Variants in FIP1L1 observed in about 807,000 individuals in gnomAD.
FIP1L1 encodes pre-mRNA 3'-end-processing factor FIP1.
FIP1L1 carries 21 observed loss-of-function variants against 84.6 expected under a neutral mutation model. The observed-to-expected ratio is 0.25, with a 90% CI of 0.18 to 0.36. FIP1L1 has a LOEUF of 0.36. Ranked by LOEUF, FIP1L1 falls within the 10% of genes least tolerant of loss-of-function variation. FIP1L1 has a pLI of 1.00. For missense variants in FIP1L1, 526 were observed against 751.1 expected, an observed-to-expected ratio of 0.70 and a Z score of 3.50; for synonymous variants, 263 against 242.3, an observed-to-expected ratio of 1.09 and a Z score of -0.80.
intron 16 of FIP1L1, among the ~76,000 whole-genome samples, chr4:53,454,396 C>G (rs990071795): frequency 3.9e-5 from 6 of 152,194 alleles, no homozygotes; most frequent in African/African-American, 1.4e-4. Flanking sequence ...CCTAATAATG[C>G]ATTTCTCAGA....
intron 6 of FIP1L1, 58 bp downstream of exon 6, chr4:53,389,931 G>C: frequency 7.6e-7 from 1 of 1,323,378 alleles, no homozygotes. Flanking sequence ...TCTTAAATAG[G>C]TCTTAATAGC....
intron 6 of FIP1L1, 55 bp from the exon 7 acceptor site, chr4:53,390,466 T>G: frequency 9.7e-7 from 1 of 1,035,764 alleles, no homozygotes; most frequent in Non-Finnish European, 1.5e-6. Flanking sequence ...TTGTCTATGG[T>G]ATCGCCTGGC....
At chr4:53,415,185 G>T (rs575231220) in intron 11 of FIP1L1, among the ~76,000 whole-genome samples, 17 of 152,216 alleles carry the variant, frequency 1.1e-4, no homozygotes, top group African/African-American at 3.9e-4. Context: ...AGACGTAGTA[G>T]CTGCCCTGGA....
chr4:53,456,098 A>G lies in FIP1L1; in HGVS notation c.1500-2555A>G, dbSNP rs187958600. Among the ~76,000 whole-genome samples the G allele has an allele frequency of 2.0e-5, 3 of 152,254 alleles. No individual in the cohort carries two copies. In the East Asian group the frequency reaches 5.8e-4, roughly 29 times the overall value. On this transcript the variant is annotated intron_variant, in intron 16 of 17. Transcript: ENST00000337488. The stretch of plus-strand genomic sequence containing the variant: ...TTTCCAGAAAGTCAAATTGTTTCTA[A>G]TGTGGAAATGAATATATGTGAGATA...
At chr4:53,408,219 G>T (rs1754893340) in intron 10 of FIP1L1, among the ~76,000 whole-genome samples, 1 of 152,160 alleles carries the variant, frequency 6.6e-6, no homozygotes, top group South Asian at 2.1e-4. Flanking sequence ...GCATTTGCTT[G>T]TCTGTAAAAT....
chr4:53,425,133 A>G lies in FIP1L1; in HGVS notation c.924-739A>G, dbSNP rs558452627. Among the ~76,000 whole-genome samples the G allele has an allele frequency of 5.3e-5, 8 of 152,258 alleles. No individual in the cohort carries two copies. The South Asian group carries it at 1.4e-3, about 28-fold the overall frequency. On this transcript the variant is annotated intron_variant, in intron 11 of 17. Coordinates refer to ENST00000337488, the MANE Select transcript of FIP1L1 (RefSeq NM_030917.4). ...CCACTTTTCATTGCCTATTTCTCCA[A>G]GTGACTTCTATATCATCTTAGGCAT...
In FIP1L1 at chr4:53,409,382, A is replaced by G. The variant is rs567469456; in HGVS notation, c.816-5233A>G. Among the ~76,000 whole-genome samples, 11 of 152,252 alleles carry G rather than the reference A, an allele frequency of 7.2e-5. No individual in the cohort carries two copies. In the South Asian group the frequency reaches 1.5e-3, roughly 20 times the overall value. ...TTTTGCCTCAGAGGAGTACCTGGCCATGTGAGGTGTCAGTCTGCCCCTACT... is the reference window on the plus strand; with the variant it reads ...TTTTGCCTCAGAGGAGTACCTGGCCGTGTGAGGTGTCAGTCTGCCCCTACT... On this transcript the variant is annotated intron_variant, in intron 10 of 17. Coordinates refer to ENST00000337488, the MANE Select transcript of FIP1L1 (RefSeq NM_030917.4).
At chr4:53,391,402 T>A in intron 8 of FIP1L1, 28 bp from the exon 9 acceptor site, 1 of 1,587,852 alleles carries the variant, frequency 6.3e-7, no homozygotes, top group Non-Finnish European at 8.6e-7. Flanking sequence ...ATGTGGTATC[T>A]TAATGGGGAA....
At chr4:53,404,679 T>C (rs1486383888) in intron 10 of FIP1L1, among the ~76,000 whole-genome samples, 5 of 152,124 alleles carry the variant, frequency 3.3e-5, no homozygotes, top group Non-Finnish European at 5.9e-5. Context: ...ACGTGTTGTT[T>C]CCTGACTTTT....
chr4:53,453,643 G>A (rs1232646850), intron 16 of FIP1L1, among the ~76,000 whole-genome samples: 2 of 152,260 alleles, frequency 1.3e-5, no homozygotes, highest in Non-Finnish European at 1.5e-5. Flanking sequence ...TGAAAGGACA[G>A]GCTGACTCTC....
rs532795200 is a variant in FIP1L1, at chr4:53,394,202, T to C, written c.705+2704T>C. On this transcript the variant is annotated intron_variant, in intron 9 of 17. Transcript: ENST00000337488. The stretch of plus-strand genomic sequence containing the variant: ...AGGATATTAATGATAGGCTGTTTTG[T>C]TTCTGTTAGATTTTTCTTTTCCTGC... 1.5e-3 allele frequency among the ~76,000 whole-genome samples: 235 copies of C among 152,316 alleles called. 1 individual carries two copies. The highest frequency in any genetic ancestry group is 5.5e-3 in the African/African-American group (229 of 41,586).
At chr4:53,444,554 T>C (rs1196815503) in intron 15 of FIP1L1, among the ~76,000 whole-genome samples, 1 of 152,176 alleles carries the variant, frequency 6.6e-6, no homozygotes, top group Non-Finnish European at 1.5e-5. Context: ...CATTTTCTTT[T>C]GCACCTCTTG....
chr4:53,436,076 C>T (rs150844775), intron 13 of FIP1L1, among the ~76,000 whole-genome samples: 6 of 98,976 alleles, frequency 6.1e-5, no homozygotes, highest in African/African-American at 1.7e-4. Flanking sequence ...AAATAGGAAG[C>T]GTAGTTTACA....
chr4:53,459,672 C>T lies in FIP1L1; in HGVS notation c.*223C>T, dbSNP rs1721403939. ...TAAAAAGACAGCAATGACTTTATATCCAAGAAAGGAATGTGAATGAGTCAC... is the reference window on the plus strand; with the variant it reads ...TAAAAAGACAGCAATGACTTTATATTCAAGAAAGGAATGTGAATGAGTCAC... On this transcript the variant is annotated 3_prime_UTR_variant, in exon 18 of 18. Coordinates refer to ENST00000337488, the MANE Select transcript of FIP1L1 (RefSeq NM_030917.4). 2 of 583,322 alleles carry T rather than the reference C, an allele frequency of 3.4e-6. No individual in the cohort carries two copies. The highest frequency in any genetic ancestry group is 3.2e-5 in the Admixed American group (1 of 31,272). 36.1% of individuals were successfully genotyped at this position (583,322 alleles called of 1,614,324 possible). A position where few individuals can be genotyped will look rare whatever the true frequency, so the allele number is the denominator to read the frequency against.
chr4:53,419,993 G>C (rs1343848454), intron 11 of FIP1L1, among the ~76,000 whole-genome samples: 1 of 151,800 alleles, frequency 6.6e-6, no homozygotes, highest in Non-Finnish European at 1.5e-5. Context: ...TGGATCACGA[G>C]GTCAGGAGAT....
At chr4:53,437,743 T>C (rs1770063662) in intron 13 of FIP1L1, among the ~76,000 whole-genome samples, 2 of 152,102 alleles carry the variant, frequency 1.3e-5, no homozygotes, top group Non-Finnish European at 2.9e-5. Flanking sequence ...TTTATTTTTT[T>C]GAGATGGAGT....
intron 4 of FIP1L1, among the ~76,000 whole-genome samples, chr4:53,383,289 T>C (rs1578114678): frequency 6.6e-6 from 1 of 152,192 alleles, no homozygotes; most frequent in East Asian, 1.9e-4. Flanking sequence ...ATCCTTTTTA[T>C]CCTGTAGAAC....
intron 9 of FIP1L1, among the ~76,000 whole-genome samples, chr4:53,394,859 C>T (rs1044851242): frequency 1.3e-4 from 20 of 151,788 alleles, no homozygotes; most frequent in African/African-American, 4.4e-4. Context: ...CCTTAGTTTA[C>T]TTAACAAGGG....
chr4:53,407,850 G>T (rs1754587989), intron 10 of FIP1L1, among the ~76,000 whole-genome samples: 1 of 152,112 alleles, frequency 6.6e-6, no homozygotes, highest in African/African-American at 2.4e-5. Flanking sequence ...TTGCTTGGTA[G>T]ATCTTCCTCC....
Sources: allele counts gnomAD v4.1 joint callset (sites outside exome capture counted in the v4.1 genomes callset), GRCh38; gene constraint gnomAD v4.1.1; transcripts MANE v1.5; gene names NCBI Gene and HGNC (gene_info 2026-07-23, HGNC 2026-07-21).